The following USP53 variants were observed in gnomAD, a reference collection of about 807,000 sequenced individuals.
USP53 encodes the protein ubiquitin specific peptidase 53.
Under a neutral mutation model 94.9 loss-of-function variants are expected in USP53, and 71 were observed. The ratio of observed to expected loss-of-function variants is 0.75; its 90% confidence interval spans 0.62 to 0.91. The LOEUF is 0.91. USP53 is among the 40% of genes least tolerant of loss of function. The pLI is 0.00. For missense variants in USP53, 1,173 were observed against 1,281.0 expected, an observed-to-expected ratio of 0.92 and a Z score of 1.29; for synonymous variants, 375 against 422.7, an observed-to-expected ratio of 0.89 and a Z score of 1.39.
intron 3 of USP53, among the ~76,000 whole-genome samples, chr4:119,231,357 TG>T (rs930706213): frequency 5.3e-5 from 8 of 152,220 alleles, no homozygotes; most frequent in African/African-American, 1.9e-4. Context: ...TTCTCAGTAT[TG>T]GGTTTCGGAG....
Position 119,242,682 on chromosome 4 carries a change from A to C in USP53, c.145-2655A>C, listed in dbSNP as rs551589132. The stretch of plus-strand genomic sequence containing the variant: ...GATCTGTTGGTCTCTGTTGTCTGCC[A>C]TATAAACTCATTTACATGGCTAATT... On this transcript the variant is annotated intron_variant, in intron 5 of 18. Coordinates refer to ENST00000692078, the MANE Select transcript of USP53 (RefSeq NM_001371395.1). Among the ~76,000 whole-genome samples, 3 of 152,344 alleles carry C rather than the reference A, an allele frequency of 2.0e-5. No individual in the cohort carries two copies. The East Asian group carries it at 5.8e-4, about 29-fold the overall frequency.
In USP53 at chr4:119,248,751, A is replaced by G; in HGVS notation, c.241A>G (p.Ile81Val). 6.2e-7 allele frequency: 1 copy of G among 1,611,326 alleles called. No individual in the cohort carries two copies. Among genetic ancestry groups the G allele is most frequent in the East Asian group, 2.2e-5 (1 of 44,790 alleles). The stretch of plus-strand genomic sequence containing the variant: ...TGATTTTCTTGTCGATTCCCAGACG[A>G]TATTTGCACAGTTCCAACACAGTCG... ...DACIFCALKT[I>V]FAQFQHSREK... Residue 81 changes from isoleucine to valine, a missense_variant, in exon 7 of 19, where the codon ATA becomes GTA. Transcript: ENST00000692078.
chr4:119,252,994 C>T (rs1038497063), intron 7 of USP53, among the ~76,000 whole-genome samples: 5 of 151,942 alleles, frequency 3.3e-5, no homozygotes, highest in Non-Finnish European at 5.9e-5. Flanking sequence ...GTTAGTTACC[C>T]AGTAGTCATT....
At chr4:119,240,317 A>G (rs375712735) in intron 5 of USP53, among the ~76,000 whole-genome samples, 16 of 152,262 alleles carry the variant, frequency 1.1e-4, no homozygotes, top group African/African-American at 3.6e-4. Flanking sequence ...TCAGTACTCA[A>G]ACTCCCTTCA....
At chr4:119,279,627 A>G (rs1197231658) in intron 17 of USP53, among the ~76,000 whole-genome samples, 10 of 151,816 alleles carry the variant, frequency 6.6e-5, no homozygotes, top group Middle Eastern at 3.4e-3. Flanking sequence ...GGTGGGCTCC[A>G]CCCAGTTCGA....
At chr4:119,253,436 T>C (rs939928474) in intron 7 of USP53, among the ~76,000 whole-genome samples, 6 of 152,224 alleles carry the variant, frequency 3.9e-5, no homozygotes, top group African/African-American at 1.4e-4. Context: ...GATAGTTAGC[T>C]CTTCTTATTG....
Position 119,271,427 on chromosome 4 carries a change from C to A in USP53, c.1567C>A (p.Pro523Thr). 1 of 1,613,910 alleles carries A rather than the reference C, an allele frequency of 6.2e-7. No individual in the cohort carries two copies. The highest frequency in any genetic ancestry group is 8.5e-7 in the Non-Finnish European group (1 of 1,179,990). The change falls in exon 16 of 19, where the codon CCT (proline) becomes ACT (threonine). Residue 523 changes from proline to threonine, a missense_variant. By Grantham distance (38) the Pro-to-Thr change is conservative (BLOSUM62 -1). Transcript: ENST00000692078. ...KGSYKHDRVV[P>T]QSRASAQIIS... ...ATCATATAAACATGACCGAGTTGTA[C>A]CTCAGAGTCGAGCTTCTGCACAAAT...
chr4:119,215,574 A>AT (rs1743614115), intron 2 of USP53, among the ~76,000 whole-genome samples: 1 of 152,126 alleles, frequency 6.6e-6, no homozygotes, highest in South Asian at 2.1e-4. Flanking sequence ...TGTGGTTAGA[A>AT]TTGAGTTTTA....
intron 15 of USP53, 146 bp downstream of exon 15, chr4:119,269,983 T>C: frequency 4.5e-6 from 1 of 224,360 alleles, no homozygotes; most frequent in Non-Finnish European, 8.4e-6. Flanking sequence ...TATATACCTA[T>C]ATCTAATATA....
intron 5 of USP53, among the ~76,000 whole-genome samples, chr4:119,240,803 T>G (rs1747425099): frequency 6.6e-6 from 1 of 152,180 alleles, no homozygotes; most frequent in Admixed American, 6.5e-5. Flanking sequence ...AACTTGAACG[T>G]TCTCTAACTC....
chr4:119,237,558 A>AC (rs139810720), intron 4 of USP53, among the ~76,000 whole-genome samples: 33,310 of 151,906 alleles, frequency 0.22, 4,185 homozygotes, highest in South Asian at 0.32. Flanking sequence ...AATAATTAAA[A>AC]AAAAAAAAGA....
intron 17 of USP53, among the ~76,000 whole-genome samples, chr4:119,287,119 C>G (rs1022235655): frequency 6.6e-5 from 10 of 151,904 alleles, no homozygotes; most frequent in Non-Finnish European, 1.2e-4. Flanking sequence ...AGAAGTAAAA[C>G]TGTGTTTTTG....
chr4:119,266,737 G>A (rs1751178321), intron 12 of USP53, among the ~76,000 whole-genome samples: 1 of 151,592 alleles, frequency 6.6e-6, no homozygotes, highest in Non-Finnish European at 1.5e-5. Flanking sequence ...TCTTAATGGT[G>A]TCTTTCCAAG....
chr4:119,213,750 A>T (rs1445607911), intron 1 of USP53, among the ~76,000 whole-genome samples: 1 of 150,960 alleles, frequency 6.6e-6, no homozygotes, highest in African/African-American at 2.4e-5. Context: ...TAGTAAACTT[A>T]ACCTGTAGTC....
intron 6 of USP53, among the ~76,000 whole-genome samples, chr4:119,246,265 A>T (rs1173497015): frequency 6.6e-6 from 1 of 152,228 alleles, no homozygotes; most frequent in African/African-American, 2.4e-5. Flanking sequence ...CAAGCAAGAT[A>T]TCTGAGGTTA....
intron 3 of USP53, among the ~76,000 whole-genome samples, chr4:119,226,109 C>T (rs1745218196): frequency 6.6e-6 from 1 of 151,880 alleles, no homozygotes; most frequent in South Asian, 2.1e-4. Context: ...AAAATTTTGA[C>T]AAAATTCAAC....
intron 17 of USP53, among the ~76,000 whole-genome samples, chr4:119,279,387 G>T (rs1372981140): frequency 6.7e-6 from 1 of 149,880 alleles, no homozygotes; most frequent in Non-Finnish European, 1.5e-5. Flanking sequence ...GCCCCTGCTG[G>T]GGGGTGCCTC....
intron 5 of USP53, among the ~76,000 whole-genome samples, chr4:119,244,265 A>G (rs1747926509): frequency 6.6e-6 from 1 of 152,228 alleles, no homozygotes. Context: ...AGAAAAATGG[A>G]TCCTATTCAT....
At chr4:119,288,938 CAAAAAAA>C (rs35580805) in intron 17 of USP53, among the ~76,000 whole-genome samples, 17 of 107,030 alleles carry the variant, frequency 1.6e-4, no homozygotes, top group African/African-American at 6.2e-4. Context: ...AACTCTGTCT[CAAAAAAA>C]AAAAAAAAAA....
Sources: allele counts gnomAD v4.1 joint callset (sites outside exome capture counted in the v4.1 genomes callset), GRCh38; gene constraint gnomAD v4.1.1; transcripts MANE v1.5; gene names NCBI Gene and HGNC (gene_info 2026-07-23, HGNC 2026-07-21).